The following STPG2 variants were observed in gnomAD, a reference collection of about 807,000 sequenced individuals.
STPG2 encodes sperm tail PG-rich repeat containing 2.
Under a neutral mutation model 54.2 loss-of-function variants are expected in STPG2, and 56 were observed. The observed-to-expected ratio is 1.03, with a 90% CI of 0.83 to 1.29. The LOEUF (loss-of-function observed/expected upper bound fraction) is 1.29, where lower values mean the gene tolerates loss of function less well. STPG2 is among the 50% of genes most tolerant of loss of function. The pLI, the probability that STPG2 is intolerant of heterozygous loss-of-function variation, is 0.00. For synonymous variants in STPG2, 200 were observed against 181.8 expected (o/e 1.10, Z -0.81); for missense variants, 596 against 544.9 (o/e 1.09, Z -0.93).
intron 5 of STPG2, among the ~76,000 whole-genome samples, chr4:98,060,513 T>A: frequency 6.6e-6 from 1 of 152,194 alleles, no homozygotes; most frequent in Non-Finnish European, 1.5e-5. Context: ...ACAGATTCAA[T>A]GCTATTCCTA....
At chr4:97,715,021 T>G (rs1578502113) in intron 9 of STPG2, among the ~76,000 whole-genome samples, 1 of 152,146 alleles carries the variant, frequency 6.6e-6, no homozygotes, top group East Asian at 1.9e-4. Flanking sequence ...TAGATTTCTT[T>G]TTATTGGAAT....
chr4:97,830,262 T>G (rs1728410049), intron 9 of STPG2, among the ~76,000 whole-genome samples: 1 of 152,130 alleles, frequency 6.6e-6, no homozygotes, highest in Non-Finnish European at 1.5e-5. Context: ...GAATTTCATA[T>G]CCAGCCAAAC....
intron 5 of STPG2, among the ~76,000 whole-genome samples, chr4:98,019,098 C>T (rs910612643): frequency 2.0e-5 from 3 of 152,034 alleles, no homozygotes; most frequent in Admixed American, 1.3e-4. Context: ...TTGCCCATGC[C>T]GATGTCCTGA....
intron 9 of STPG2, 51 bp downstream of exon 9, chr4:97,840,722 G>T: frequency 6.4e-7 from 1 of 1,551,260 alleles, no homozygotes; most frequent in Non-Finnish European, 8.7e-7. Flanking sequence ...TTTTAATATG[G>T]AAACCTTAGA....
chr4:98,131,864 T>A (rs1053177708), intron 2 of STPG2, among the ~76,000 whole-genome samples: 1 of 152,102 alleles, frequency 6.6e-6, no homozygotes, highest in African/African-American at 2.4e-5. Flanking sequence ...ATTCCAACTC[T>A]ATTCTTCAAT....
At chr4:98,062,326 G>A (rs1204982376) in intron 5 of STPG2, among the ~76,000 whole-genome samples, 3 of 152,060 alleles carry the variant, frequency 2.0e-5, no homozygotes, top group Non-Finnish European at 4.4e-5. Flanking sequence ...AGGGAAAGGA[G>A]CAGAAAAGAC....
intron 4 of STPG2, among the ~76,000 whole-genome samples, chr4:97,538,512 A>C (rs1008827986): frequency 1.3e-5 from 2 of 152,236 alleles, no homozygotes; most frequent in African/African-American, 4.8e-5. Flanking sequence ...CGAAGAAATG[A>C]ACAAAGCCTC....
At chr4:97,442,455 G>C (rs10016725) in intron 4 of STPG2, among the ~76,000 whole-genome samples, 6 of 151,928 alleles carry the variant, frequency 3.9e-5, no homozygotes, top group Non-Finnish European at 8.8e-5. Flanking sequence ...AATTAAAGTA[G>C]GGAGACTCCA....
intron 10 of STPG2, among the ~76,000 whole-genome samples, chr4:97,693,990 A>G (rs558560655): frequency 1.4e-4 from 22 of 152,330 alleles, no homozygotes; most frequent in Admixed American, 1.4e-3. Context: ...CAACCTATCA[A>G]AACATCTGGG....
chr4:97,833,116 C>T (rs1728520184), intron 9 of STPG2, among the ~76,000 whole-genome samples: 1 of 152,162 alleles, frequency 6.6e-6, no homozygotes, highest in Non-Finnish European at 1.5e-5. Flanking sequence ...AACTATACTA[C>T]AAGGCTACAG....
At chr4:97,530,142 A>G (rs1354772575) in intron 4 of STPG2, among the ~76,000 whole-genome samples, 1 of 152,194 alleles carries the variant, frequency 6.6e-6, no homozygotes, top group Non-Finnish European at 1.5e-5. Flanking sequence ...TCTGGTCAGT[A>G]GGAGGGTCTT....
chr4:97,805,417 G>C (rs1478447020), intron 9 of STPG2, among the ~76,000 whole-genome samples: 1 of 151,930 alleles, frequency 6.6e-6, no homozygotes, highest in Non-Finnish European at 1.5e-5. Context: ...CACCATGTTG[G>C]CCAGGCTGGT....
intron 4 of STPG2, among the ~76,000 whole-genome samples, chr4:97,515,917 G>A (rs1489290398): frequency 1.3e-5 from 2 of 151,966 alleles, no homozygotes; most frequent in Non-Finnish European, 2.9e-5. Flanking sequence ...TTTTTACATT[G>A]TAATACTGTA....
chr4:97,681,301 A>T (rs143203279), intron 10 of STPG2, among the ~76,000 whole-genome samples: 1 of 151,880 alleles, frequency 6.6e-6, no homozygotes, highest in African/African-American at 2.4e-5. Flanking sequence ...TTTATGTTCG[A>T]TATAGAACAA....
intron 9 of STPG2, among the ~76,000 whole-genome samples, chr4:97,744,748 A>G (rs1725372005): frequency 6.6e-6 from 1 of 151,446 alleles, no homozygotes; most frequent in African/African-American, 2.4e-5. Context: ...TGCTGTATAA[A>G]AGCTATGTGA....
chr4:98,128,415 A>C lies in STPG2; in HGVS notation c.387+13T>G. The C allele has an allele frequency of 6.3e-7, 1 of 1,578,374 alleles. No homozygotes were observed. Among genetic ancestry groups the C allele is most frequent in the Non-Finnish European group, 8.6e-7 (1 of 1,166,788 alleles). ...AATTTTCCAATTGTCAATATGAAAT[A>C]CATTATACTTACAAATTGAGGTTTG... On this transcript the variant is annotated intron_variant, in intron 3 of 10. Transcript: ENST00000295268.
intron 5 of STPG2, among the ~76,000 whole-genome samples, chr4:98,039,863 G>C (rs1736894479): frequency 6.6e-6 from 1 of 151,402 alleles, no homozygotes; most frequent in Non-Finnish European, 1.5e-5. Context: ...TGGATGAAAT[G>C]GTAATTCTAA....
chr4:97,524,876 T>C (rs1329013591), intron 4 of STPG2, among the ~76,000 whole-genome samples: 1 of 151,978 alleles, frequency 6.6e-6, no homozygotes, highest in Non-Finnish European at 1.5e-5. Flanking sequence ...TCTTTTCTCT[T>C]CAAGAATTCA....
chr4:98,135,493 A>G (rs1740111455), intron 1 of STPG2, among the ~76,000 whole-genome samples: 1 of 151,846 alleles, frequency 6.6e-6, no homozygotes. Flanking sequence ...ATTTTAAAAA[A>G]GGAAAAACAT....
Sources: gnomAD v4.1 joint callset for allele counts (sites outside exome capture counted in the v4.1 genomes callset) on GRCh38, gnomAD v4.1.1 for gene constraint, MANE v1.5 for transcripts, NCBI Gene and HGNC (gene_info 2026-07-23, HGNC 2026-07-21) for gene names.